EYA1: variants seen among roughly 807,000 people sequenced by gnomAD.
EYA1 encodes the protein EYA transcriptional coactivator and phosphatase 1.
EYA1 carries 16 observed loss-of-function variants against 82.0 expected under a neutral mutation model. The ratio of observed to expected loss-of-function variants is 0.20; its 90% confidence interval spans 0.13 to 0.30. The LOEUF (loss-of-function observed/expected upper bound fraction) is 0.30. Ranked by LOEUF, EYA1 falls within the 10% of genes least tolerant of loss-of-function variation. The pLI is 1.00. For missense variants in EYA1, 633 were observed against 730.7 expected (o/e 0.87, Z 1.54); for synonymous variants, 261 against 264.4 (o/e 0.99, Z 0.12).
chr8:71,547,180 A>G (rs1038869678), intron 1 of EYA1, among the ~76,000 whole-genome samples: 3 of 152,224 alleles, frequency 2.0e-5, no homozygotes, highest in African/African-American at 4.8e-5. Context: ...TTTTGGCCAA[A>G]GGAAAGGCCT....
chr8:71,311,264 A>G (rs1222683844), intron 7 of EYA1, among the ~76,000 whole-genome samples: 1 of 152,174 alleles, frequency 6.6e-6, no homozygotes, highest in African/African-American at 2.4e-5. Context: ...CTTTTACATA[A>G]AAGGAGAATA....
intron 2 of EYA1, among the ~76,000 whole-genome samples, chr8:71,524,999 T>C (rs1471078340): frequency 3.3e-5 from 5 of 152,224 alleles, no homozygotes; most frequent in African/African-American, 1.2e-4. Context: ...CAGTAGAGTT[T>C]GTATGTTACT....
chr8:71,514,958 A>G (rs1357367846), intron 2 of EYA1, among the ~76,000 whole-genome samples: 1 of 152,182 alleles, frequency 6.6e-6, no homozygotes, highest in Non-Finnish European at 1.5e-5. Flanking sequence ...ATTAGTAAAG[A>G]AGACAAACAG....
chr8:71,467,292 TG>T (rs1808851968), intron 2 of EYA1, among the ~76,000 whole-genome samples: 2 of 152,158 alleles, frequency 1.3e-5, no homozygotes, highest in South Asian at 4.1e-4. Flanking sequence ...ATCCCTTTTT[TG>T]TAAGACAGTG....
chr8:71,488,004 CCATAG>C (rs1810698271), intron 2 of EYA1, among the ~76,000 whole-genome samples: 1 of 151,910 alleles, frequency 6.6e-6, no homozygotes, highest in African/African-American at 2.4e-5. Flanking sequence ...ATAAGAATTC[CCATAG>C]CAATTTTATT....
intron 9 of EYA1, among the ~76,000 whole-genome samples, chr8:71,294,596 TATAA>T (rs2128992958): frequency 6.6e-6 from 1 of 152,296 alleles, no homozygotes; most frequent in Non-Finnish European, 1.5e-5. Flanking sequence ...TCAAAGAAGA[TATAA>T]ATAAATGGAG....
intron 2 of EYA1, among the ~76,000 whole-genome samples, chr8:71,374,494 T>A (rs1374327215): frequency 2.0e-5 from 3 of 152,258 alleles, no homozygotes; most frequent in Admixed American, 1.3e-4. Context: ...GAAGTGTCGA[T>A]GAACGTGTGG....
At chr8:71,492,789 G>A (rs1426058956) in intron 2 of EYA1, among the ~76,000 whole-genome samples, 1 of 152,014 alleles carries the variant, frequency 6.6e-6, no homozygotes, top group Non-Finnish European at 1.5e-5. Context: ...TTAAGTTCAG[G>A]GTACATGTGT....
chr8:71,356,188 GTCTAAAA>G (rs1160666843), intron 2 of EYA1, among the ~76,000 whole-genome samples: 1 of 152,110 alleles, frequency 6.6e-6, no homozygotes, highest in Non-Finnish European at 1.5e-5. Flanking sequence ...ACTAGAAATG[GTCTAAAA>G]TCCAATTTTT....
chr8:71,365,486 G>A (rs534795748), upstream of EYA1, among the ~76,000 whole-genome samples: 18 of 152,180 alleles, frequency 1.2e-4, no homozygotes, highest in Non-Finnish European at 2.4e-4. Flanking sequence ...TTAAAAAAGC[G>A]AAATCCCACT....
At chr8:71,277,364 C>T (rs1248836720) in intron 9 of EYA1, among the ~76,000 whole-genome samples, 1 of 151,924 alleles carries the variant, frequency 6.6e-6, no homozygotes, top group African/African-American at 2.4e-5. Context: ...GTTGCCCAAG[C>T]TGGTCTTGAA....
At chr8:71,267,679 G>C (rs1300395103) in intron 11 of EYA1, among the ~76,000 whole-genome samples, 1 of 152,096 alleles carries the variant, frequency 6.6e-6, no homozygotes, top group Non-Finnish European at 1.5e-5. Context: ...TTCCTGAGTA[G>C]CTGGGACTAC....
At chr8:71,487,780 G>A (rs1003679286) in intron 2 of EYA1, among the ~76,000 whole-genome samples, 14 of 152,064 alleles carry the variant, frequency 9.2e-5, no homozygotes, top group African/African-American at 2.9e-4. Context: ...ATGACTACAC[G>A]ATCACCAGAA....
intron 2 of EYA1, among the ~76,000 whole-genome samples, chr8:71,446,702 T>A (rs1806905336): frequency 6.6e-6 from 1 of 152,208 alleles, no homozygotes; most frequent in South Asian, 2.1e-4. Flanking sequence ...GCAACAGCTG[T>A]TATTTTCAGG....
At chr8:71,479,962 C>T (rs7008423) in intron 2 of EYA1, among the ~76,000 whole-genome samples, 93,794 of 152,014 alleles carry the variant, frequency 0.62, 30,385 homozygotes, top group African/African-American at 0.8. Flanking sequence ...GGAAGAGAGA[C>T]CTATTTACTC....
At chr8:71,364,022 T>G (rs1398781052), upstream of EYA1, among the ~76,000 whole-genome samples, 1 of 151,984 alleles carries the variant, frequency 6.6e-6, no homozygotes, top group Non-Finnish European at 1.5e-5. Context: ...CACATTATAG[T>G]TAAATGTATC....
At chr8:71,496,121 T>C (rs1811392300) in intron 2 of EYA1, among the ~76,000 whole-genome samples, 1 of 152,222 alleles carries the variant, frequency 6.6e-6, no homozygotes, top group South Asian at 2.1e-4. Flanking sequence ...AATGTTCCAG[T>C]GAATGATTTC....
At chr8:71,473,391 A>T (rs1161794149) in intron 2 of EYA1, among the ~76,000 whole-genome samples, 2 of 151,836 alleles carry the variant, frequency 1.3e-5, no homozygotes, top group African/African-American at 4.8e-5. Context: ...TGGGCAAAGG[A>T]TATGAACAGA....
intron 1 of EYA1, among the ~76,000 whole-genome samples, chr8:71,357,343 C>T (rs1826987558): frequency 6.6e-6 from 1 of 152,248 alleles, no homozygotes; most frequent in South Asian, 2.1e-4. Context: ...TGAATCTGTA[C>T]TTCAGGACTT....
Sources: allele counts gnomAD v4.1 joint callset (sites outside exome capture counted in the v4.1 genomes callset), GRCh38; gene constraint gnomAD v4.1.1; transcripts MANE v1.5; gene names NCBI Gene and HGNC (gene_info 2026-07-23, HGNC 2026-07-21).